The following SLC37A1 variants were observed in gnomAD, a reference collection of about 807,000 sequenced individuals.
SLC37A1 encodes solute carrier family 37 member 1, also known as glucose-6-phosphate exchanger SLC37A1.
In SLC37A1, 49 loss-of-function variants were observed where a neutral mutation model predicts 75.3. The ratio of observed to expected loss-of-function variants is 0.65; its 90% CI spans 0.52 to 0.83. The LOEUF is 0.83. Ranked by LOEUF, SLC37A1 falls within the 40% of genes least tolerant of loss-of-function variation. The probability of loss-of-function intolerance (pLI) is 0.00; values close to 1 mark genes in which losing one functional copy is unlikely to be tolerated. For missense variants in SLC37A1, 566 were observed against 695.0 expected (o/e 0.81, Z 2.09); for synonymous variants, 268 against 292.1 (o/e 0.92, Z 0.84).
intron 11 of SLC37A1, 111 bp from the exon 12 acceptor site, chr21:42,561,967 C>G: frequency 1.1e-6 from 1 of 875,498 alleles, no homozygotes; most frequent in Non-Finnish European, 1.9e-6. Flanking sequence ...AAAGCCAGAC[C>G]AGAGACAGGA....
chr21:42,550,305 T>C (rs2055525465), intron 9 of SLC37A1, among the ~76,000 whole-genome samples: 2 of 152,150 alleles, frequency 1.3e-5, no homozygotes, highest in Non-Finnish European at 2.9e-5. Flanking sequence ...TTTACTGAAA[T>C]AAAATGGATT....
intron 11 of SLC37A1, among the ~76,000 whole-genome samples, chr21:42,560,104 C>T (rs923667361): frequency 2.0e-5 from 3 of 152,062 alleles, no homozygotes; most frequent in Admixed American, 1.3e-4. Context: ...TGATCAGTAT[C>T]GGGAACAAGG....
At position 42,564,796 on chromosome 21, in the gene SLC37A1, C is replaced by T. The variant is rs376802555; in HGVS notation, c.1221+3C>T. On this transcript the variant is annotated splice_donor_region_variant and intron_variant, in intron 14 of 19. Coordinates refer to ENST00000352133, the MANE Select transcript of SLC37A1 (RefSeq NM_001320537.2). Reference sequence around the variant, plus strand: ...TGCTGCTGCTCGCGGCCCCCACGGTCAGCCGTGCTGCCTTCCCTGGGCCCC... The same window carrying T: ...TGCTGCTGCTCGCGGCCCCCACGGTTAGCCGTGCTGCCTTCCCTGGGCCCC... 7.0e-5 allele frequency: 113 copies of T among 1,603,360 alleles called. No individual in the cohort carries two copies. The highest frequency in any genetic ancestry group is 9.1e-5 in the Non-Finnish European group (107 of 1,179,794).
intron 11 of SLC37A1, among the ~76,000 whole-genome samples, chr21:42,560,660 G>A (rs2055807210): frequency 6.6e-6 from 1 of 152,130 alleles, no homozygotes. Context: ...AGCCAGAGGA[G>A]AACGTCCCAG....
At chr21:42,577,283 G>A (rs1458413502) in intron 18 of SLC37A1, among the ~76,000 whole-genome samples, 1 of 152,240 alleles carries the variant, frequency 6.6e-6, no homozygotes, top group Non-Finnish European at 1.5e-5. Flanking sequence ...CCAGCTAACT[G>A]TGGCCTATTT....
chr21:42,520,001 T>A (rs2054609528), intron 2 of SLC37A1, among the ~76,000 whole-genome samples: 1 of 151,914 alleles, frequency 6.6e-6, no homozygotes, highest in African/African-American at 2.4e-5. Context: ...TGTAGATGTA[T>A]GTTTGTACAC....
chr21:42,561,482 CG>C, intron 11 of SLC37A1: 1 of 157,236 alleles, frequency 6.4e-6, no homozygotes, highest in African/African-American at 2.4e-5. Context: ...ACACAATGGT[CG>C]GAATTGTTTC....
At chr21:42,503,959 T>C (rs2054362922) in intron 2 of SLC37A1, among the ~76,000 whole-genome samples, 1 of 152,218 alleles carries the variant, frequency 6.6e-6, no homozygotes, top group Non-Finnish European at 1.5e-5. Flanking sequence ...CGGGTGGTAC[T>C]AGAACATCTC....
chr21:42,569,949 GCTGCGTTTCCTTGTT>G lies in SLC37A1; in HGVS notation c.1423+1530_1423+1544del, dbSNP rs376308042. On this transcript the variant is annotated intron_variant, in intron 17 of 19. Coordinates refer to ENST00000352133, the MANE Select transcript of SLC37A1 (RefSeq NM_001320537.2). ...GGAACCCCAGCTCCACGCTGCTGCT[GCTGCGTTTCCTTGTT>G]CTGCGTTTCCTTGTTCTGGCCTTGT... 5.2e-3 allele frequency among the ~76,000 whole-genome samples: 792 copies of G among 152,208 alleles called. 12 individuals carry two copies. Among genetic ancestry groups the G allele is most frequent in the South Asian group, 0.036 (172 of 4,830 alleles).
intron 2 of SLC37A1, among the ~76,000 whole-genome samples, chr21:42,507,181 C>T (rs2054391274): frequency 6.6e-6 from 1 of 152,194 alleles, no homozygotes; most frequent in African/African-American, 2.4e-5. Context: ...CCACACCCAG[C>T]CCAATAAGTT....
chr21:42,568,332 C>T, intron 16 of SLC37A1, 28 bp from the exon 17 acceptor site: 2 of 1,592,518 alleles, frequency 1.3e-6, no homozygotes, highest in Non-Finnish European at 1.7e-6. Context: ...GTGGCGATAA[C>T]TGCACGTCTG....
intron 7 of SLC37A1, 142 bp from the exon 8 acceptor site, chr21:42,543,294 A>C: frequency 1.1e-6 from 1 of 941,406 alleles, no homozygotes; most frequent in Non-Finnish European, 1.7e-6. Context: ...CGAGTCCTGC[A>C]TGGCACAGAA....
chr21:42,512,837 T>C (rs547757742), upstream of SLC37A1, among the ~76,000 whole-genome samples: 1 of 152,318 alleles, frequency 6.6e-6, no homozygotes, highest in Non-Finnish European at 1.5e-5. Flanking sequence ...CAGAGTGTTC[T>C]AGAAACAAAG....
chr21:42,520,014 ACAC>A (rs1464057659), intron 2 of SLC37A1, among the ~76,000 whole-genome samples: 2 of 151,730 alleles, frequency 1.3e-5, no homozygotes, highest in African/African-American at 4.9e-5. Flanking sequence ...TTGTACACAC[ACAC>A]TTTTCTGAAC....
chr21:42,562,779 A>C (rs58964145), intron 12 of SLC37A1, among the ~76,000 whole-genome samples: 83,280 of 151,624 alleles, frequency 0.55, 23,774 homozygotes, highest in Admixed American at 0.69. Context: ...GGCTGAGAGG[A>C]AGCGGGGATG....
chr21:42,551,833 G>GT (rs907143957), intron 9 of SLC37A1, among the ~76,000 whole-genome samples: 1 of 136,910 alleles, frequency 7.3e-6, no homozygotes, highest in Non-Finnish European at 1.5e-5. Flanking sequence ...GTTTTGTTTT[G>GT]TTTTTTTGGT....
At chr21:42,527,948 A>C (rs2054844363) in intron 3 of SLC37A1, among the ~76,000 whole-genome samples, 1 of 152,220 alleles carries the variant, frequency 6.6e-6, no homozygotes, top group African/African-American at 2.4e-5. Context: ...AAATGGCATC[A>C]ACGAAACTGA....
Position 42,559,018 on chromosome 21 carries a change from G to C in SLC37A1, c.910G>C (p.Val304Leu). The C allele has an allele frequency of 6.2e-7, 1 of 1,613,772 alleles. No individual in the cohort carries two copies. Among genetic ancestry groups the C allele is most frequent in the Non-Finnish European group, 8.5e-7 (1 of 1,179,874 alleles). ...DGKGSIHPNH[V>L]VILPGDGGSG... ...GAAGGGCTCCATCCACCCGAACCAC[G>C]TCGTCATTCTCCCCGGGGACGGTGG... The change falls in exon 11 of 20, where the codon GTC (valine) becomes CTC (leucine). Residue 304 changes from valine (V) to leucine (L), a missense_variant. Physicochemically the swap from Val to Leu is conservative, Grantham distance 32. Transcript: ENST00000352133.
intron 9 of SLC37A1, among the ~76,000 whole-genome samples, chr21:42,551,295 C>T (rs1220750603): frequency 6.6e-6 from 1 of 152,248 alleles, no homozygotes; most frequent in Non-Finnish European, 1.5e-5. Flanking sequence ...AAATTAAGGC[C>T]GTTTCATTTA....
Sources: allele counts gnomAD v4.1 joint callset (sites outside exome capture counted in the v4.1 genomes callset), GRCh38; gene constraint gnomAD v4.1.1; transcripts MANE v1.5; gene names NCBI Gene and HGNC (gene_info 2026-07-23, HGNC 2026-07-21).